The following PDGFRA variants were observed in gnomAD, a reference collection of about 807,000 sequenced individuals.
PDGFRA encodes platelet-derived growth factor receptor alpha.
A neutral mutation model predicts 121.5 loss-of-function variants in PDGFRA; 25 were observed. The ratio of observed to expected loss-of-function variants is 0.21; its 90% confidence interval spans 0.15 to 0.29. PDGFRA has a LOEUF of 0.29. Among genes scored for constraint, PDGFRA ranks in the 10% least tolerant of loss-of-function variants. PDGFRA has a pLI of 1.00. For synonymous variants in PDGFRA, 463 were observed against 494.8 expected (o/e 0.94, Z 0.85); for missense variants, 1,008 against 1,345.1 (o/e 0.75, Z 3.92).
Position 54,296,859 on chromosome 4 carries a change from A to T in PDGFRA, c.*1587A>T. Reference sequence around the variant, plus strand: ...GACATTTAATGCCATCTAGCTAGCAATTGCGACCTTAATTTAACTTTCCAG... The same window carrying T: ...GACATTTAATGCCATCTAGCTAGCATTTGCGACCTTAATTTAACTTTCCAG... On this transcript the variant is annotated 3_prime_UTR_variant, in exon 23 of 23. Transcript: ENST00000257290. 1 of 233,008 alleles carries T rather than the reference A, an allele frequency of 4.3e-6. No homozygotes were observed. Among genetic ancestry groups the T allele is most frequent in the Non-Finnish European group, 8.5e-6 (1 of 117,872 alleles). 14.4% of individuals were successfully genotyped at this position (233,008 alleles called of 1,614,324 possible).
intron 22 of PDGFRA, among the ~76,000 whole-genome samples, chr4:54,291,925 A>G (rs926161562): frequency 1.3e-5 from 2 of 152,130 alleles, no homozygotes; most frequent in African/African-American, 4.8e-5. Context: ...GCACATATAC[A>G]CCATGGAATA....
intron 1 of PDGFRA, among the ~76,000 whole-genome samples, chr4:54,257,000 G>C (rs1165018947): frequency 6.6e-6 from 1 of 152,072 alleles, no homozygotes; most frequent in South Asian, 2.1e-4. Flanking sequence ...GTACACTCCA[G>C]CCTGGGCAAC....
At chr4:54,275,020 A>C (rs1177109848) in intron 12 of PDGFRA, 47 bp downstream of exon 12, 1 of 1,605,018 alleles carries the variant, frequency 6.2e-7, no homozygotes, top group Non-Finnish European at 8.5e-7. Flanking sequence ...TCCCTTGCAC[A>C]CAACTTTACA....
At chr4:54,255,719 A>T (rs1037234429) in intron 1 of PDGFRA, among the ~76,000 whole-genome samples, 4 of 151,876 alleles carry the variant, frequency 2.6e-5, no homozygotes, top group Admixed American at 2.6e-4. Flanking sequence ...GTTAGCCAGG[A>T]TGGTCTCCAT....
intron 1 of PDGFRA, among the ~76,000 whole-genome samples, chr4:54,238,019 A>G (rs1330272063): frequency 6.6e-6 from 1 of 152,190 alleles, no homozygotes; most frequent in Non-Finnish European, 1.5e-5. Flanking sequence ...GCCACTTCTT[A>G]AAATCAGCTC....
At chr4:54,246,885 A>T (rs1468798570) in intron 1 of PDGFRA, among the ~76,000 whole-genome samples, 1 of 151,866 alleles carries the variant, frequency 6.6e-6, no homozygotes, top group Non-Finnish European at 1.5e-5. Flanking sequence ...GATAAAGGGG[A>T]TATCACCACC....
chr4:54,285,532 G>C, intron 17 of PDGFRA, 46 bp downstream of exon 17: 1 of 861,788 alleles, frequency 1.2e-6, no homozygotes, highest in South Asian at 1.3e-5. Context: ...ATTTCAGTGA[G>C]TGGAGTGTGG....
At chr4:54,245,871 C>T (rs1319001450) in intron 1 of PDGFRA, among the ~76,000 whole-genome samples, 1 of 151,966 alleles carries the variant, frequency 6.6e-6, no homozygotes, top group Non-Finnish European at 1.5e-5. Context: ...GGAGGAAGAT[C>T]TACCAAGCAA....
chr4:54,275,151 A>AT (rs1445150718), intron 12 of PDGFRA, among the ~76,000 whole-genome samples, 178 bp downstream of exon 12: 10 of 152,188 alleles, frequency 6.6e-5, no homozygotes, highest in Admixed American at 5.2e-4. Context: ...CATTGCAATG[A>AT]TTTTTTTAAA....
intron 2 of PDGFRA, 100 bp downstream of exon 2, chr4:54,258,917 CA>C (rs1722529087): frequency 1.1e-5 from 10 of 929,924 alleles, no homozygotes; most frequent in Non-Finnish European, 1.6e-5. Context: ...ATACACAGTC[CA>C]AAAGAGTGAA....
At chr4:54,254,542 G>A (rs1305652917) in intron 1 of PDGFRA, among the ~76,000 whole-genome samples, 1 of 152,196 alleles carries the variant, frequency 6.6e-6, no homozygotes, top group East Asian at 1.9e-4. Context: ...AGGAAAAGCA[G>A]TGAACCCTTC....
chr4:54,264,228 C>A, intron 4 of PDGFRA: 1 of 488,024 alleles, frequency 2.0e-6, no homozygotes, highest in Non-Finnish European at 3.6e-6. Context: ...ACTATGGCGG[C>A]CCTAAAAACA....
intron 1 of PDGFRA, among the ~76,000 whole-genome samples, chr4:54,237,210 T>C (rs557808620): frequency 6.6e-5 from 10 of 152,326 alleles, no homozygotes; most frequent in Non-Finnish European, 8.8e-5. Flanking sequence ...CCTCAAGTGA[T>C]CTGCCCACCT....
intron 1 of PDGFRA, among the ~76,000 whole-genome samples, chr4:54,239,743 G>A (rs982031677): frequency 5.2e-4 from 79 of 152,334 alleles, no homozygotes; most frequent in Admixed American, 5.2e-4. Flanking sequence ...GGGTGCCCCA[G>A]ATGGGAGCAC....
intron 1 of PDGFRA, among the ~76,000 whole-genome samples, chr4:54,241,000 G>A (rs1213162218): frequency 6.6e-6 from 1 of 152,032 alleles, no homozygotes; most frequent in East Asian, 1.9e-4. Context: ...GTACCAAATT[G>A]GCTTATAAAT....
chr4:54,239,017 T>C (rs1385114225), intron 1 of PDGFRA, among the ~76,000 whole-genome samples: 1 of 152,108 alleles, frequency 6.6e-6, no homozygotes, highest in Non-Finnish European at 1.5e-5. Flanking sequence ...AAAACCAGAA[T>C]GCAGTGAAGA....
In PDGFRA at chr4:54,234,392, G is replaced by T. The variant is rs1467885428; in HGVS notation, c.-13+4977G>T. Among the ~76,000 whole-genome samples the T allele has an allele frequency of 2.6e-5, 4 of 152,346 alleles. No individual in the cohort carries two copies. The East Asian group carries it at 7.7e-4, about 29-fold the overall frequency. ...AATTCCTCGCAGCGGCGTCTGTGTC[G>T]CAACCCGTGGACGCACGTCCTTGGA... On this transcript the variant is annotated intron_variant, in intron 1 of 22. Transcript: ENST00000257290.
intron 1 of PDGFRA, among the ~76,000 whole-genome samples, chr4:54,246,240 C>G (rs1171742325): frequency 6.6e-6 from 1 of 152,168 alleles, no homozygotes; most frequent in Non-Finnish European, 1.5e-5. Context: ...ACAGAACTCT[C>G]CACCCCAAAT....
rs1431102308 is a variant in PDGFRA at position 54,295,372 on chromosome 4, T to C, written c.*100T>C. 8.2e-7 allele frequency: 1 copy of C among 1,213,928 alleles called. No homozygotes were observed. 75.2% of individuals were successfully genotyped at this position (1,213,928 alleles called of 1,614,324 possible). ...TGCAGAGGTTGAGAGGAGGACTTGGTTGATGTTTAAAGAGAAGTTCCCAGC... is the reference window on the plus strand; with the variant it reads ...TGCAGAGGTTGAGAGGAGGACTTGGCTGATGTTTAAAGAGAAGTTCCCAGC... On this transcript the variant is annotated 3_prime_UTR_variant, in exon 23 of 23. Transcript: ENST00000257290.
Sources: gnomAD v4.1 joint callset for allele counts (sites outside exome capture counted in the v4.1 genomes callset) on GRCh38, gnomAD v4.1.1 for gene constraint, MANE v1.5 for transcripts, NCBI Gene and HGNC (gene_info 2026-07-23, HGNC 2026-07-21) for gene names.